RHOU: variants seen among roughly 807,000 people sequenced by gnomAD.
The protein encoded by RHOU is rho-related GTP-binding protein RhoU.
RHOU carries 8 observed loss-of-function variants against 12.6 expected under a neutral mutation model. That is an observed-to-expected ratio of 0.64 (90% confidence interval 0.37 to 1.15). The LOEUF (loss-of-function observed/expected upper bound fraction) is 1.15, where lower values mean the gene tolerates loss of function less well. RHOU is among the 50% of genes most tolerant of loss of function. RHOU has a pLI of 0.01. For synonymous variants in RHOU, 161 were observed against 147.4 expected, an observed-to-expected ratio of 1.09 and a Z score of -0.67; for missense variants, 258 against 347.0, an observed-to-expected ratio of 0.74 and a Z score of 2.04.
At chr1:228,707,249 ATATATAGTGT>A in the RHOU span, among the ~76,000 whole-genome samples, 8 of 94,724 alleles carry the variant, frequency 8.4e-5, no homozygotes, top group Non-Finnish European at 1.5e-4. Flanking sequence ...ATATATATAT[ATATATAGTGT>A]GTGTGTGTGT....
Position 228,743,183 on chromosome 1 carries a change from T to A in RHOU, c.322-102T>A. ...CTCTTCCTTCTAGAACCAGCGGGTCTTCTATCACCTGCCAGACCCTTTCAT... is the reference window on the plus strand; with the variant it reads ...CTCTTCCTTCTAGAACCAGCGGGTCATCTATCACCTGCCAGACCCTTTCAT... On this transcript the variant is annotated intron_variant, in intron 2 of 2. Coordinates refer to ENST00000366691, the MANE Select transcript of RHOU (RefSeq NM_021205.6). The surrounding 1 kb of genome is among the most constrained non-coding windows in gnomAD (Gnocchi z 5.1). 1 of 1,075,324 alleles carries A rather than the reference T, an allele frequency of 9.3e-7. No individual in the cohort carries two copies. The highest frequency in any genetic ancestry group is 1.4e-6 in the Non-Finnish European group (1 of 721,472). 66.6% of individuals were successfully genotyped at this position (1,075,324 alleles called of 1,614,324 possible).
At chr1:228,730,458 T>C in the RHOU span, among the ~76,000 whole-genome samples, 1 of 152,292 alleles carries the variant, frequency 6.6e-6, no homozygotes, top group East Asian at 1.9e-4. Flanking sequence ...CTAGTGAGGA[T>C]GTGCTGGGCA....
At chr1:228,657,721 A>T in the RHOU span, among the ~76,000 whole-genome samples, 1 of 152,212 alleles carries the variant, frequency 6.6e-6, no homozygotes, top group East Asian at 1.9e-4. Context: ...GCTGCAATAT[A>T]CACTTTTTTC....
At chr1:228,694,857 T>C in the RHOU span, among the ~76,000 whole-genome samples, 1 of 152,218 alleles carries the variant, frequency 6.6e-6, no homozygotes, top group Non-Finnish European at 1.5e-5. Context: ...TCAAATGGTA[T>C]TTCTGCCTCT....
At chr1:228,650,018 C>G in the RHOU span, 2 of 363,378 alleles carry the variant, frequency 5.5e-6, no homozygotes, top group Non-Finnish European at 1.1e-5. Context: ...TTATTCTATT[C>G]TAAGTTTTTG....
the RHOU span, among the ~76,000 whole-genome samples, chr1:228,726,017 T>C: frequency 6.6e-6 from 1 of 152,204 alleles, no homozygotes; most frequent in Non-Finnish European, 1.5e-5. Flanking sequence ...TAATAGCTAA[T>C]AGGAGGAGTT....
upstream of RHOU, chr1:228,734,962 CG>C (rs1420695461): frequency 2.0e-5 from 3 of 152,210 alleles, no homozygotes; most frequent in African/African-American, 7.2e-5. Context: ...AAAAATCACA[CG>C]ATCAGCTGCA....
chr1:228,656,698 A>C, the RHOU span, among the ~76,000 whole-genome samples: 2 of 152,248 alleles, frequency 1.3e-5, no homozygotes, highest in South Asian at 4.1e-4. Flanking sequence ...TACAAAAGGA[A>C]ATGAGAAAGG....
the RHOU span, among the ~76,000 whole-genome samples, chr1:228,723,140 C>T: frequency 2.6e-5 from 4 of 151,902 alleles, no homozygotes; most frequent in African/African-American, 4.9e-5. Context: ...GATACCACTC[C>T]GATGAGTGGA....
chr1:228,652,604 C>T, the RHOU span: 1 of 152,136 alleles, frequency 6.6e-6, no homozygotes, highest in Non-Finnish European at 1.5e-5. Context: ...ATTTCCAGAA[C>T]TTTCTTTTTT....
At chr1:228,726,283 C>T in the RHOU span, among the ~76,000 whole-genome samples, 1 of 152,186 alleles carries the variant, frequency 6.6e-6, no homozygotes, top group Admixed American at 6.5e-5. Flanking sequence ...TAAAGCCTAT[C>T]AGTACAAACT....
the RHOU span, among the ~76,000 whole-genome samples, chr1:228,658,842 A>C: frequency 3.3e-5 from 5 of 152,174 alleles, no homozygotes; most frequent in African/African-American, 1.2e-4. Context: ...CTCTGTGAAT[A>C]CTGTATTTTC....
the RHOU span, among the ~76,000 whole-genome samples, chr1:228,707,118 A>ATATG: frequency 1.1e-5 from 1 of 88,364 alleles, no homozygotes; most frequent in Non-Finnish European, 1.8e-5. Flanking sequence ...ATATATATAT[A>ATATG]TATATATACA....
At chr1:228,686,486 T>C in the RHOU span, among the ~76,000 whole-genome samples, 5 of 152,200 alleles carry the variant, frequency 3.3e-5, no homozygotes, top group South Asian at 2.1e-4. Context: ...TAAAACCTAT[T>C]ATGTTTGACA....
chr1:228,714,536 A>T, the RHOU span, among the ~76,000 whole-genome samples: 2 of 152,078 alleles, frequency 1.3e-5, no homozygotes, highest in African/African-American at 4.8e-5. Context: ...CAACAAGTCA[A>T]TTTTGGCTAA....
chr1:228,727,981 A>G, the RHOU span, among the ~76,000 whole-genome samples: 15 of 152,308 alleles, frequency 9.8e-5, no homozygotes, highest in East Asian at 2.7e-3. Context: ...GAAATGAATC[A>G]GTTTCTCTGA....
At chr1:228,682,162 T>G in the RHOU span, among the ~76,000 whole-genome samples, 1 of 152,084 alleles carries the variant, frequency 6.6e-6, no homozygotes, top group Admixed American at 6.5e-5. Flanking sequence ...ACAGGGAGAT[T>G]GAAGGGTAGG....
At chr1:228,687,531 A>G in the RHOU span, 8 of 1,579,038 alleles carry the variant, frequency 5.1e-6, no homozygotes, top group Non-Finnish European at 6.9e-6. Context: ...CCTTCAGGAT[A>G]TCAAGAAACC....
At chr1:228,687,718 A>G in the RHOU span, 2 of 1,466,160 alleles carry the variant, frequency 1.4e-6, no homozygotes, top group Non-Finnish European at 1.9e-6. Context: ...GCCATCAAAG[A>G]ATTGGGTGAG....
Sources: allele counts gnomAD v4.1 joint callset (sites outside exome capture counted in the v4.1 genomes callset), GRCh38; gene constraint gnomAD v4.1.1; non-coding constraint Gnocchi (gnomAD v3.1); transcripts MANE v1.5; gene names NCBI Gene and HGNC (gene_info 2026-07-23, HGNC 2026-07-21).